POU3F3: variants seen among roughly 807,000 people sequenced by gnomAD.
POU3F3 encodes the protein POU domain, class 3, transcription factor 3.
POU3F3 carries 1 observed loss-of-function variant against 8.6 expected under a neutral mutation model. The ratio of observed to expected loss-of-function variants is 0.12; its 90% CI spans 0.04 to 0.55. The LOEUF (loss-of-function observed/expected upper bound fraction) is 0.55. Among genes scored for constraint, POU3F3 ranks in the 20% least tolerant of loss-of-function variants. The pLI is 0.91. For synonymous variants in POU3F3, 418 were observed against 327.4 expected, an observed-to-expected ratio of 1.28 and a Z score of -2.99; for missense variants, 577 against 690.7, an observed-to-expected ratio of 0.84 and a Z score of 1.84.
At chr2:104,908,022 A>T in the POU3F3 span, among the ~76,000 whole-genome samples, 1 of 152,194 alleles carries the variant, frequency 6.6e-6, no homozygotes, top group African/African-American at 2.4e-5. Context: ...AAAAGTCAGG[A>T]TTGGATATTG....
chr2:104,885,727 A>C, the POU3F3 span, among the ~76,000 whole-genome samples: 1 of 152,174 alleles, frequency 6.6e-6, no homozygotes, highest in Non-Finnish European at 1.5e-5. Flanking sequence ...CATATAATCA[A>C]GTAATAACCA....
chr2:104,910,936 T>C, the POU3F3 span, among the ~76,000 whole-genome samples: 1 of 152,212 alleles, frequency 6.6e-6, no homozygotes, highest in Non-Finnish European at 1.5e-5. Flanking sequence ...ACTTACATAG[T>C]ATTTACATTG....
chr2:104,858,952 T>TC (rs1350714114), downstream of POU3F3, among the ~76,000 whole-genome samples: 174 of 151,738 alleles, frequency 1.1e-3, no homozygotes, highest in African/African-American at 3.9e-3. Flanking sequence ...ATACAGCCCC[T>TC]CCCCCCAAGT....
At chr2:104,859,047 T>C (rs1365735182), downstream of POU3F3, among the ~76,000 whole-genome samples, 1 of 151,512 alleles carries the variant, frequency 6.6e-6, no homozygotes, top group Admixed American at 6.6e-5. Context: ...TTGTTAGGAG[T>C]CGCTTATAAG....
At chr2:104,869,594 A>G in the POU3F3 span, among the ~76,000 whole-genome samples, 7 of 152,244 alleles carry the variant, frequency 4.6e-5, no homozygotes, top group Admixed American at 2.6e-4. Flanking sequence ...GAGCTCTGGA[A>G]CTCCCTGTAG....
In POU3F3 at chr2:104,855,744, GC is replaced by G; in HGVS notation, c.235del (p.Gln79ArgfsTer13). The G allele has an allele frequency of 7.6e-7, 1 of 1,315,224 alleles. No homozygotes were observed. Among genetic ancestry groups the G allele is most frequent in the South Asian group, 1.3e-5 (1 of 77,146 alleles). The allele number at this position is 1,315,224 out of a possible 1,614,324, so 81.5% of individuals were successfully genotyped here. ...TCAAGATGGTCCAGAGCGACTTCAT[GC>G]AGGGGGCCATGGCCGCCAGCAACGG... ...SVKMVQSDFM[Q>X]GAMAASNGGH... is the part of the protein sequence containing the mutation. On this transcript the variant is annotated frameshift_variant, in exon 1 of 1. Coordinates refer to ENST00000361360, the MANE Select transcript of POU3F3 (RefSeq NM_006236.3). LOFTEE classifies it low-confidence loss of function (END_TRUNC).
At chr2:104,871,838 G>A in the POU3F3 span, among the ~76,000 whole-genome samples, 2 of 152,176 alleles carry the variant, frequency 1.3e-5, no homozygotes, top group Non-Finnish European at 2.9e-5. Flanking sequence ...AATGCTCAAT[G>A]CGAACGCAGA....
Position 104,854,162 on chromosome 2 carries a change from A to T in POU3F3, c.-1349A>T, listed in dbSNP as rs1676500116. ...AGGGAGGGACAGAGAGCGAACTGTC[A>T]GATCGGAGCGAGAGCGGGCGCCCGA... On this transcript the variant is annotated 5_prime_UTR_variant, in exon 1 of 1. Coordinates refer to ENST00000361360, the MANE Select transcript of POU3F3 (RefSeq NM_006236.3). The surrounding 1 kb of genome is among the most constrained non-coding windows in gnomAD (Gnocchi z 4.5). Among the ~76,000 whole-genome samples, 1 of 152,114 alleles carries T rather than the reference A, an allele frequency of 6.6e-6. No homozygotes were observed. Among genetic ancestry groups the T allele is most frequent in the African/African-American group, 2.4e-5 (1 of 41,434 alleles).
chr2:104,902,305 C>T, the POU3F3 span, among the ~76,000 whole-genome samples: 1 of 152,094 alleles, frequency 6.6e-6, no homozygotes, highest in Non-Finnish European at 1.5e-5. Flanking sequence ...TCTTTTGTTG[C>T]ACCTATTAAA....
chr2:104,871,651 G>A, the POU3F3 span, among the ~76,000 whole-genome samples: 1 of 152,146 alleles, frequency 6.6e-6, no homozygotes, highest in Non-Finnish European at 1.5e-5. Flanking sequence ...GCAGACATGT[G>A]TCTCACACAT....
the POU3F3 span, chr2:104,868,511 A>G: frequency 1.4e-4 from 52 of 376,390 alleles, no homozygotes; most frequent in African/African-American, 9.7e-4. Context: ...CAGACCTCCA[A>G]CTTCCAGCTG....
Position 104,858,565 on chromosome 2 carries a change from T to A in POU3F3, c.*1552T>A, listed in dbSNP as rs1189197856. On this transcript the variant is annotated 3_prime_UTR_variant, in exon 1 of 1. Coordinates refer to ENST00000361360, the MANE Select transcript of POU3F3 (RefSeq NM_006236.3). Reference sequence around the variant, plus strand: ...GAGCTGATCGAGAAAATAAATTTGTTAGAATGAAATAGTCTGTGTCTGATG... The same window carrying A: ...GAGCTGATCGAGAAAATAAATTTGTAAGAATGAAATAGTCTGTGTCTGATG... 2.0e-5 allele frequency: 3 copies of A among 152,236 alleles called. No individual in the cohort carries two copies. Among genetic ancestry groups the A allele is most frequent in the Non-Finnish European group, 4.4e-5 (3 of 68,040 alleles). The allele number at this position is 152,236 out of a possible 1,614,324, so 9.4% of individuals were successfully genotyped here.
At chr2:104,860,938 G>A (rs534550649), downstream of POU3F3, among the ~76,000 whole-genome samples, 30 of 151,566 alleles carry the variant, frequency 2.0e-4, no homozygotes, top group African/African-American at 7.3e-4. Flanking sequence ...AGAATAATTG[G>A]TTCTAATATT....
the POU3F3 span, among the ~76,000 whole-genome samples, chr2:104,887,898 G>A: frequency 4.6e-5 from 7 of 152,310 alleles, no homozygotes; most frequent in African/African-American, 1.7e-4. Flanking sequence ...TAAAAGCGGG[G>A]AACACTTAAG....
At chr2:104,925,667 G>A in the POU3F3 span, among the ~76,000 whole-genome samples, 1 of 152,172 alleles carries the variant, frequency 6.6e-6, no homozygotes, top group Admixed American at 6.5e-5. Context: ...AAAGCTAAAT[G>A]ATTAGTGATT....
At chr2:104,915,498 G>A in the POU3F3 span, among the ~76,000 whole-genome samples, 7 of 152,260 alleles carry the variant, frequency 4.6e-5, no homozygotes, top group Non-Finnish European at 7.4e-5. Flanking sequence ...AAAAAGAATC[G>A]TGGAGACCCA....
chr2:104,887,422 G>T, the POU3F3 span, among the ~76,000 whole-genome samples: 297 of 152,214 alleles, frequency 2.0e-3, 2 homozygotes, highest in African/African-American at 6.9e-3. Context: ...CATCTCCATC[G>T]TTTGATCAAG....
At position 104,856,932 on chromosome 2, in the gene POU3F3, C is replaced by G. The variant is rs759817331; in HGVS notation, c.1422C>G (p.Pro474=). 3.1e-6 allele frequency: 5 copies of G among 1,613,358 alleles called. No homozygotes were observed. The highest frequency in any genetic ancestry group is 1.6e-4 in the Middle Eastern group (1 of 6,084). The change falls in exon 1 of 1, where the codon CCC becomes CCG. Residue 474 remains proline (P), a synonymous_variant. Coordinates refer to ENST00000361360, the MANE Select transcript of POU3F3 (RefSeq NM_006236.3). ...CGCCCGGGATCCAACAGCAGACGCC[C>G]GACGACGTCTACTCGCAGGTGGGCA... The part of the protein sequence containing the change: ...MTPPGIQQQT[P]DDVYSQVGTV...
At chr2:104,886,650 G>A in the POU3F3 span, among the ~76,000 whole-genome samples, 1 of 152,192 alleles carries the variant, frequency 6.6e-6, no homozygotes, top group Non-Finnish European at 1.5e-5. Flanking sequence ...GCTCACACCT[G>A]TAATCCCAGG....
Sources: gnomAD v4.1 joint callset for allele counts (sites outside exome capture counted in the v4.1 genomes callset) on GRCh38, gnomAD v4.1.1 for gene constraint, Gnocchi (gnomAD v3.1) non-coding constraint, MANE v1.5 for transcripts, NCBI Gene and HGNC (gene_info 2026-07-23, HGNC 2026-07-21) for gene names.